The following LDLRAD3 variants were observed in gnomAD, a reference collection of about 807,000 sequenced individuals.
LDLRAD3 encodes low-density lipoprotein receptor class A domain-containing protein 3.
In LDLRAD3, 20 loss-of-function variants were observed where a neutral mutation model predicts 29.4. That is an observed-to-expected ratio of 0.68 (90% CI 0.48 to 0.99). The LOEUF is 0.99. LDLRAD3 is among the 50% of genes least tolerant of loss of function. The pLI, the probability that LDLRAD3 is intolerant of heterozygous loss-of-function variation, is 0.00. For synonymous variants in LDLRAD3, 157 were observed against 192.7 expected (o/e 0.81, Z 1.53); for missense variants, 420 against 454.3 (o/e 0.92, Z 0.69).
chr11:36,128,136 G>GATATATATATATATATATATATATATA, intron 4 of LDLRAD3, among the ~76,000 whole-genome samples: 1 of 93,882 alleles, frequency 1.1e-5, no homozygotes, highest in South Asian at 3.8e-4. Context: ...ATATATATAT[G>GATATATATATATATATATATATATATA]TATATGACAT....
At chr11:36,020,475 G>A (rs572865277) in intron 1 of LDLRAD3, among the ~76,000 whole-genome samples, 2 of 152,168 alleles carry the variant, frequency 1.3e-5, no homozygotes, top group East Asian at 3.8e-4. Context: ...TTTTAGCACA[G>A]GGAAGCAACT....
chr11:36,109,780 G>A (rs1441817383), intron 4 of LDLRAD3: 1 of 152,138 alleles, frequency 6.6e-6, no homozygotes, highest in Non-Finnish European at 1.5e-5. Context: ...TGCGTTTAGG[G>A]GATCCAATCA....
At chr11:36,006,688 G>A (rs1851889677) in intron 1 of LDLRAD3, among the ~76,000 whole-genome samples, 1 of 152,194 alleles carries the variant, frequency 6.6e-6, no homozygotes, top group Admixed American at 6.5e-5. Context: ...CTTAGCACTG[G>A]TTCCTTCCTC....
chr11:35,960,276 A>G (rs1851259539), intron 1 of LDLRAD3, among the ~76,000 whole-genome samples: 1 of 152,216 alleles, frequency 6.6e-6, no homozygotes, highest in South Asian at 2.1e-4. Flanking sequence ...TGAATATACT[A>G]CACTTTGCTC....
intron 4 of LDLRAD3, among the ~76,000 whole-genome samples, chr11:36,172,709 T>C (rs1402042828): frequency 2.0e-5 from 3 of 152,214 alleles, no homozygotes; most frequent in Admixed American, 2.0e-4. Context: ...CTTTTTGATA[T>C]GCTGTTGGAT....
At chr11:36,229,073 G>C in intron 5 of LDLRAD3, 87 bp from the exon 6 acceptor site, 1 of 853,384 alleles carries the variant, frequency 1.2e-6, no homozygotes. Context: ...TCTCAGAAAT[G>C]GGCTGAAGTT....
chr11:36,077,787 A>G (rs1416813531), intron 2 of LDLRAD3, among the ~76,000 whole-genome samples: 2 of 152,168 alleles, frequency 1.3e-5, no homozygotes, highest in Non-Finnish European at 2.9e-5. Context: ...CCAAAGGGCC[A>G]CAGCTCTTCT....
intron 4 of LDLRAD3, among the ~76,000 whole-genome samples, chr11:36,214,383 G>A (rs1855324642): frequency 6.6e-6 from 1 of 152,194 alleles, no homozygotes; most frequent in Non-Finnish European, 1.5e-5. Context: ...GCCTGCACTG[G>A]CCCCACACTT....
At chr11:36,103,235 T>TC (rs1456751065) in intron 4 of LDLRAD3, among the ~76,000 whole-genome samples, 5 of 87,408 alleles carry the variant, frequency 5.7e-5, no homozygotes, top group South Asian at 5.5e-4. Context: ...CAGTATTTAA[T>TC]CTTTTTTTTT....
At chr11:36,159,602 T>TAAAAAAA (rs66512652) in intron 4 of LDLRAD3, among the ~76,000 whole-genome samples, 2 of 58,472 alleles carry the variant, frequency 3.4e-5, no homozygotes, top group Non-Finnish European at 6.3e-5. Flanking sequence ...TTACAGAAAC[T>TAAAAAAA]AAAAAAAAAA....
At chr11:36,060,585 G>A (rs1852684397) in intron 2 of LDLRAD3, among the ~76,000 whole-genome samples, 1 of 152,056 alleles carries the variant, frequency 6.6e-6, no homozygotes, top group Non-Finnish European at 1.5e-5. Flanking sequence ...AGTCTGATCT[G>A]GGTTCAAATT....
At chr11:36,084,584 T>C (rs1305502978) in intron 3 of LDLRAD3, among the ~76,000 whole-genome samples, 2 of 152,246 alleles carry the variant, frequency 1.3e-5, no homozygotes, top group Non-Finnish European at 2.9e-5. Flanking sequence ...TGAATTATAC[T>C]TCAGAGTAAT....
In LDLRAD3 at chr11:36,217,782, T is replaced by TGGTTGG. The variant is rs1855372214; in HGVS notation, c.455-9301_455-9300insTTGGGG. Among the ~76,000 whole-genome samples, 2 of 152,210 alleles carry TGGTTGG rather than the reference T, an allele frequency of 1.3e-5. 1 individual carries two copies. Among genetic ancestry groups the TGGTTGG allele is most frequent in the South Asian group, 4.1e-4 (2 of 4,834 alleles). ...GCCGCTGGCAATTCTTGGTGTTCCT[T>TGGTTGG]GGCTTGGTTGGGGCTGCATGATTCC... On this transcript the variant is annotated intron_variant, in intron 4 of 5. Transcript: ENST00000315571.
intron 4 of LDLRAD3, among the ~76,000 whole-genome samples, chr11:36,106,139 A>G (rs1853526007): frequency 6.6e-6 from 1 of 152,162 alleles, no homozygotes; most frequent in Non-Finnish European, 1.5e-5. Flanking sequence ...TCGCCTTGGT[A>G]GGGAGAACTC....
intron 1 of LDLRAD3, among the ~76,000 whole-genome samples, chr11:35,986,123 T>C (rs1052776568): frequency 2.6e-5 from 4 of 152,112 alleles, no homozygotes; most frequent in Non-Finnish European, 5.9e-5. Context: ...AAGATCCAGA[T>C]CCATCTAGGT....
intron 2 of LDLRAD3, among the ~76,000 whole-genome samples, chr11:36,058,125 G>A (rs1267955940): frequency 1.3e-5 from 2 of 152,192 alleles, no homozygotes; most frequent in East Asian, 3.9e-4. Flanking sequence ...ATGAAATCAA[G>A]TGTGTCTTAG....
chr11:36,029,169 C>T lies in LDLRAD3; in HGVS notation c.47-6934C>T, dbSNP rs886334370. Among the ~76,000 whole-genome samples, 9 of 152,206 alleles carry T rather than the reference C, an allele frequency of 5.9e-5. No individual in the cohort carries two copies. The East Asian group carries it at 7.7e-4, about 13-fold the overall frequency. On this transcript the variant is annotated intron_variant, in intron 1 of 5. Coordinates refer to ENST00000315571, the MANE Select transcript of LDLRAD3 (RefSeq NM_174902.4). Reference sequence around the variant, plus strand: ...CTGAGACAGAAGAATCGCTTGAACCCGGGAGGCGGAGGTTGCAGTGAGCCG... The same window carrying T: ...CTGAGACAGAAGAATCGCTTGAACCTGGGAGGCGGAGGTTGCAGTGAGCCG...
Position 36,094,653 on chromosome 11 carries a change from A to G in LDLRAD3, c.320-3674A>G, listed in dbSNP as rs111872240. On this transcript the variant is annotated intron_variant, in intron 3 of 5. Transcript: ENST00000315571. ...CAGGCTCAAGTGATACTCCTGCCTC[A>G]GCCTCCCAAGTAGCTGGGATTACAG... is the stretch of plus-strand genomic sequence containing the variant. Among the ~76,000 whole-genome samples the G allele has an allele frequency of 9.2e-5, 14 of 152,184 alleles. 2 individuals carry two copies. Among genetic ancestry groups the G allele is most frequent in the African/African-American group, 3.4e-4 (14 of 41,528 alleles).
At chr11:36,015,939 G>A (rs565579978) in intron 1 of LDLRAD3, among the ~76,000 whole-genome samples, 1 of 152,264 alleles carries the variant, frequency 6.6e-6, no homozygotes, top group East Asian at 1.9e-4. Flanking sequence ...AGCAGAAATC[G>A]TGGCCTGATG....
Sources: allele counts gnomAD v4.1 joint callset (sites outside exome capture counted in the v4.1 genomes callset), GRCh38; gene constraint gnomAD v4.1.1; transcripts MANE v1.5; gene names NCBI Gene and HGNC (gene_info 2026-07-23, HGNC 2026-07-21).